The following AUTS2 variants were observed in gnomAD, a reference collection of about 807,000 sequenced individuals.
The protein encoded by AUTS2 is activator of transcription and developmental regulator AUTS2, also known as autism susceptibility gene 2 protein.
AUTS2 carries 17 observed loss-of-function variants against 112.4 expected under a neutral mutation model. That is an observed-to-expected ratio of 0.15 (90% CI 0.10 to 0.23). The LOEUF (loss-of-function observed/expected upper bound fraction) is 0.23. AUTS2 is among the 10% of genes least tolerant of loss of function. AUTS2 has a pLI of 1.00. For missense variants in AUTS2, 1,510 were observed against 1,701.6 expected, an observed-to-expected ratio of 0.89 and a Z score of 1.98; for synonymous variants, 751 against 702.7, an observed-to-expected ratio of 1.07 and a Z score of -1.09.
intron 1 of AUTS2, among the ~76,000 whole-genome samples, chr7:69,865,933 G>A (rs1021588520): frequency 2.0e-5 from 3 of 152,082 alleles, no homozygotes; most frequent in Non-Finnish European, 2.9e-5. Flanking sequence ...TGGTGCTTAC[G>A]TTTTCCATGT....
intron 1 of AUTS2, among the ~76,000 whole-genome samples, chr7:69,734,995 A>C (rs2129237366): frequency 6.6e-6 from 1 of 152,298 alleles, no homozygotes; most frequent in South Asian, 2.1e-4. Context: ...GGTTGCAGGA[A>C]TCTGACTCTT....
At chr7:70,528,102 T>A (rs887760255) in intron 5 of AUTS2, among the ~76,000 whole-genome samples, 2 of 103,168 alleles carry the variant, frequency 1.9e-5, no homozygotes, top group African/African-American at 4.2e-5. Flanking sequence ...GATTTTTTTT[T>A]TTTTTTTTTT....
intron 1 of AUTS2, among the ~76,000 whole-genome samples, chr7:69,862,770 C>G (rs555620159): frequency 6.6e-6 from 1 of 152,148 alleles, no homozygotes; most frequent in Admixed American, 6.5e-5. Context: ...CCTGCACAGT[C>G]TCTACTCCTG....
intron 5 of AUTS2, among the ~76,000 whole-genome samples, chr7:70,640,862 G>A (rs911830303): frequency 1.3e-5 from 2 of 152,190 alleles, no homozygotes; most frequent in East Asian, 1.9e-4. Context: ...TAGAGCCCAC[G>A]CCGTCATCCC....
At chr7:69,905,740 C>T (rs1795126876) in intron 2 of AUTS2, among the ~76,000 whole-genome samples, 1 of 152,114 alleles carries the variant, frequency 6.6e-6, no homozygotes, top group South Asian at 2.1e-4. Context: ...TAATGCTGTA[C>T]CAGTTCTCTA....
At chr7:70,729,420 T>A (rs1295177700) in intron 6 of AUTS2, among the ~76,000 whole-genome samples, 2 of 152,232 alleles carry the variant, frequency 1.3e-5, no homozygotes, top group Admixed American at 6.5e-5. Context: ...CTGTTCTGTT[T>A]TCTTTCCAGG....
chr7:70,750,330 CTT>C (rs201667797), intron 6 of AUTS2, among the ~76,000 whole-genome samples: 2 of 143,258 alleles, frequency 1.4e-5, no homozygotes, highest in African/African-American at 5.2e-5. Context: ...GATGGAAAGT[CTT>C]TTTTTTTTTT....
chr7:70,259,988 C>T (rs924519287), intron 4 of AUTS2, among the ~76,000 whole-genome samples: 5 of 152,084 alleles, frequency 3.3e-5, no homozygotes, highest in South Asian at 2.1e-4. Context: ...CATTTTCTTA[C>T]GAAGTTTTAA....
chr7:70,093,818 T>A (rs1339216349), intron 2 of AUTS2, among the ~76,000 whole-genome samples: 5 of 152,232 alleles, frequency 3.3e-5, no homozygotes, highest in African/African-American at 7.2e-5. Context: ...GTGTGAAGGA[T>A]CTAAACCCAA....
chr7:69,690,334 G>A (rs1226357491), intron 1 of AUTS2, among the ~76,000 whole-genome samples: 1 of 152,174 alleles, frequency 6.6e-6, no homozygotes, highest in Non-Finnish European at 1.5e-5. Flanking sequence ...AGGATCCTTA[G>A]GGTGTCACTT....
intron 2 of AUTS2, among the ~76,000 whole-genome samples, chr7:70,078,087 G>A (rs1238036589): frequency 1.3e-5 from 2 of 152,144 alleles, no homozygotes; most frequent in Admixed American, 6.5e-5. Flanking sequence ...CATATGGTAG[G>A]TAGTCAGTGA....
chr7:69,629,399 C>T (rs368828905), intron 1 of AUTS2, among the ~76,000 whole-genome samples: 2 of 152,158 alleles, frequency 1.3e-5, no homozygotes, highest in South Asian at 2.1e-4. Flanking sequence ...TCTCAGCCAA[C>T]GGAGGTGGGA....
chr7:70,785,546 CACA>C (rs1791393036), intron 16 of AUTS2: 1 of 465,622 alleles, frequency 2.1e-6, no homozygotes, highest in African/African-American at 2.0e-5. Flanking sequence ...CATTGGCTTG[CACA>C]ACATCAGGGC....
At chr7:69,793,210 G>T (rs548563889) in intron 1 of AUTS2, among the ~76,000 whole-genome samples, 2 of 152,254 alleles carry the variant, frequency 1.3e-5, no homozygotes, top group East Asian at 3.9e-4. Context: ...CAGTAAACTG[G>T]TAACTATCTA....
chr7:69,724,456 T>G (rs1435328409), intron 1 of AUTS2, among the ~76,000 whole-genome samples: 1 of 152,172 alleles, frequency 6.6e-6, no homozygotes, highest in Non-Finnish European at 1.5e-5. Flanking sequence ...ATATTTCCTT[T>G]TTTCCCTACA....
At chr7:70,240,511 A>G (rs1254917398) in intron 4 of AUTS2, among the ~76,000 whole-genome samples, 2 of 152,124 alleles carry the variant, frequency 1.3e-5, no homozygotes, top group Admixed American at 6.5e-5. Flanking sequence ...GACTCTTGCT[A>G]TGCTCCCTCC....
chr7:69,700,449 G>C (rs1384566911), intron 1 of AUTS2, among the ~76,000 whole-genome samples: 1 of 151,706 alleles, frequency 6.6e-6, no homozygotes, highest in Non-Finnish European at 1.5e-5. Context: ...TGGGTTAGAT[G>C]GTTTGAGGAA....
chr7:69,621,316 A>C (rs1222321361), intron 1 of AUTS2, among the ~76,000 whole-genome samples: 3 of 152,152 alleles, frequency 2.0e-5, no homozygotes, highest in African/African-American at 7.2e-5. Flanking sequence ...AATGCTTCTT[A>C]AGAGTTTTAT....
Position 69,786,648 on chromosome 7 carries a change from G to A in AUTS2, c.310-112638G>A, listed in dbSNP as rs148122643. 4.2e-3 allele frequency among the ~76,000 whole-genome samples: 637 copies of A among 152,232 alleles called. 7 individuals carry two copies. The highest frequency in any genetic ancestry group is 0.012 in the East Asian group (64 of 5,180). ...CTGTGGCTTCATTCTTGAAGTCAGC[G>A]AGATCAAGAACCCACCAGAAGGAAC... On this transcript the variant is annotated intron_variant, in intron 1 of 18. Coordinates refer to ENST00000342771, the MANE Select transcript of AUTS2 (RefSeq NM_015570.4).
Sources: allele counts gnomAD v4.1 joint callset (sites outside exome capture counted in the v4.1 genomes callset), GRCh38; gene constraint gnomAD v4.1.1; transcripts MANE v1.5; gene names NCBI Gene and HGNC (gene_info 2026-07-23, HGNC 2026-07-21).